Variants in RGS7 observed in about 807,000 individuals in gnomAD.
RGS7 encodes the protein regulator of G protein signaling 7.
Under a neutral mutation model 81.1 loss-of-function variants are expected in RGS7, and 27 were observed. The observed-to-expected ratio is 0.33, with a 90% CI of 0.25 to 0.46. The LOEUF (loss-of-function observed/expected upper bound fraction) is 0.46, where lower values mean the gene tolerates loss of function less well. Among genes scored for constraint, RGS7 ranks in the 20% least tolerant of loss-of-function variants. The pLI is 1.00. For missense variants in RGS7, 396 were observed against 607.4 expected (o/e 0.65, Z 3.66); for synonymous variants, 208 against 207.7 (o/e 1.00, Z -0.01).
intron 2 of RGS7, among the ~76,000 whole-genome samples, chr1:241,184,002 C>A (rs752456021): frequency 2.7e-4 from 41 of 152,172 alleles, no homozygotes; most frequent in Admixed American, 3.3e-4. Flanking sequence ...GGAGTCAGAA[C>A]TACCCTCTGA....
At chr1:241,259,555 C>G (rs1484872479) in intron 2 of RGS7, among the ~76,000 whole-genome samples, 1 of 148,602 alleles carries the variant, frequency 6.7e-6, no homozygotes, top group African/African-American at 2.5e-5. Flanking sequence ...GAGGCTAAGG[C>G]AGGAGAATCA....
intron 10 of RGS7, among the ~76,000 whole-genome samples, chr1:240,820,351 G>A (rs1475705763): frequency 1.3e-5 from 2 of 152,058 alleles, no homozygotes; most frequent in East Asian, 3.9e-4. Flanking sequence ...TTCATATGCA[G>A]TGCCATCTAT....
At chr1:240,869,166 C>G (rs1337251347) in intron 7 of RGS7, among the ~76,000 whole-genome samples, 1 of 151,928 alleles carries the variant, frequency 6.6e-6, no homozygotes, top group African/African-American at 2.4e-5. Context: ...TCAGATGAAC[C>G]CACTGGATTT....
At chr1:241,221,515 C>A (rs997318984) in intron 2 of RGS7, among the ~76,000 whole-genome samples, 4 of 152,192 alleles carry the variant, frequency 2.6e-5, no homozygotes, top group Admixed American at 2.6e-4. Context: ...ATGAAGCCTA[C>A]CCATACATGA....
intron 2 of RGS7, among the ~76,000 whole-genome samples, chr1:241,133,534 T>TAA (rs200984559): frequency 7.3e-5 from 11 of 150,574 alleles, no homozygotes; most frequent in East Asian, 3.9e-4. Context: ...GATACAAATA[T>TAA]AAAAAAAAAG....
intron 3 of RGS7, among the ~76,000 whole-genome samples, chr1:241,089,063 C>CTCTCTCTCTCTCTCTCTCTATATATA (rs1374552672): frequency 8.4e-5 from 2 of 23,686 alleles, no homozygotes; most frequent in Non-Finnish European, 1.5e-4. Context: ...CTCTCTCTCT[C>CTCTCTCTCTCTCTCTCTCTATATATA]TATATATATA....
intron 9 of RGS7, among the ~76,000 whole-genome samples, chr1:240,853,195 T>C (rs1230314862): frequency 6.6e-6 from 1 of 152,212 alleles, no homozygotes; most frequent in Non-Finnish European, 1.5e-5. Context: ...AGGGAAAATA[T>C]TGTCTGTCTT....
At chr1:241,298,320 G>A (rs2079542499) in intron 2 of RGS7, among the ~76,000 whole-genome samples, 2 of 152,178 alleles carry the variant, frequency 1.3e-5, no homozygotes, top group African/African-American at 4.8e-5. Flanking sequence ...GAAGCTAGGA[G>A]GAGACCAGTA....
intron 2 of RGS7, among the ~76,000 whole-genome samples, chr1:241,186,862 C>G (rs763245224): frequency 1.6e-4 from 25 of 152,190 alleles, no homozygotes; most frequent in Non-Finnish European, 3.4e-4. Flanking sequence ...TAGCATATGG[C>G]TATGACAATG....
At chr1:241,058,493 T>C (rs1466641028) in intron 3 of RGS7, among the ~76,000 whole-genome samples, 1 of 152,204 alleles carries the variant, frequency 6.6e-6, no homozygotes, top group Non-Finnish European at 1.5e-5. Context: ...TCATTTGCTT[T>C]ATTTGAATTC....
At chr1:241,123,779 CT>C (rs1216059238) in intron 2 of RGS7, among the ~76,000 whole-genome samples, 2 of 151,984 alleles carry the variant, frequency 1.3e-5, no homozygotes, top group African/African-American at 4.8e-5. Context: ...GAGAACATGG[CT>C]TTAGGTTTTG....
In RGS7 at chr1:240,976,957, TTCTATCATCTATCATTTA is replaced by T. The variant is rs1395621078; in HGVS notation, c.226+6104_226+6121del. 1.1e-3 allele frequency among the ~76,000 whole-genome samples: 174 copies of T among 151,912 alleles called. 1 individual carries two copies. The highest frequency in any genetic ancestry group is 3.2e-3 in the African/African-American group (132 of 41,306). Reference sequence around the variant, plus strand: ...ATCTATCTATCTATATATCTATATCTTCTATCATCTATCATTTATCTATCATCTATCATTTATCTATCA... The same window carrying T: ...ATCTATCTATCTATATATCTATATCTTCTATCATCTATCATTTATCTATCA... On this transcript the variant is annotated intron_variant, in intron 4 of 18. Transcript: ENST00000440928.
At chr1:240,939,416 C>T (rs1285589890) in intron 4 of RGS7, among the ~76,000 whole-genome samples, 1 of 152,172 alleles carries the variant, frequency 6.6e-6, no homozygotes, top group East Asian at 1.9e-4. Context: ...CAGTCCTAAG[C>T]AGCCACGTTC....
At chr1:241,119,459 T>C (rs756162412) in intron 2 of RGS7, among the ~76,000 whole-genome samples, 1 of 152,244 alleles carries the variant, frequency 6.6e-6, no homozygotes, top group Non-Finnish European at 1.5e-5. Flanking sequence ...AGTCAGTGAT[T>C]ACCTGAGATG....
chr1:241,069,266 T>A (rs1345129632), intron 3 of RGS7, among the ~76,000 whole-genome samples: 3 of 152,222 alleles, frequency 2.0e-5, no homozygotes, highest in Non-Finnish European at 4.4e-5. Context: ...TGTATTTTTG[T>A]ATAAATAAGA....
chr1:240,872,913 C>G (rs1664744034), intron 6 of RGS7, among the ~76,000 whole-genome samples: 1 of 151,888 alleles, frequency 6.6e-6, no homozygotes, highest in Non-Finnish European at 1.5e-5. Flanking sequence ...CTCGTCTCTA[C>G]TAAAAATACA....
intron 4 of RGS7, among the ~76,000 whole-genome samples, chr1:240,963,312 A>T (rs1468644549): frequency 6.6e-6 from 1 of 152,194 alleles, no homozygotes; most frequent in Non-Finnish European, 1.5e-5. Context: ...GGAGCTCAGA[A>T]GAGAGTCCAG....
intron 2 of RGS7, among the ~76,000 whole-genome samples, chr1:241,262,381 T>A (rs1399704509): frequency 6.6e-6 from 1 of 152,192 alleles, no homozygotes; most frequent in Non-Finnish European, 1.5e-5. Flanking sequence ...TAAAGGAATA[T>A]TTCATCTTCA....
chr1:240,989,056 C>T (rs1481251262), intron 3 of RGS7, among the ~76,000 whole-genome samples: 1 of 152,084 alleles, frequency 6.6e-6, no homozygotes, highest in African/African-American at 2.4e-5. Flanking sequence ...TATCAAATTC[C>T]ATCCTGGATA....
Sources: gnomAD v4.1 joint callset for allele counts (sites outside exome capture counted in the v4.1 genomes callset) on GRCh38, gnomAD v4.1.1 for gene constraint, MANE v1.5 for transcripts, NCBI Gene and HGNC (gene_info 2026-07-23, HGNC 2026-07-21) for gene names.